Variants in CD163L1 observed in about 807,000 individuals in gnomAD.
The protein encoded by CD163L1 is scavenger receptor cysteine-rich type 1 protein M160.
In CD163L1, 124 loss-of-function variants were observed where a neutral mutation model predicts 165.4. The observed-to-expected ratio is 0.75, with a 90% CI of 0.65 to 0.87. The LOEUF is 0.87. Among genes scored for constraint, CD163L1 ranks in the 40% least tolerant of loss-of-function variants. The probability of loss-of-function intolerance (pLI) is 0.00; values close to 1 mark genes in which losing one functional copy is unlikely to be tolerated. For missense variants in CD163L1, 1,525 were observed against 1,799.9 expected, an observed-to-expected ratio of 0.85 and a Z score of 2.76; for synonymous variants, 585 against 662.2, an observed-to-expected ratio of 0.88 and a Z score of 1.79.
In CD163L1 at chr12:7,369,073, TCTC is replaced by T; in HGVS notation, c.4040-111_4040-109del. On this transcript the variant is annotated intron_variant, in intron 15 of 19. Transcript: ENST00000313599. The surrounding 1 kb of genome is among the most constrained non-coding windows in gnomAD (Gnocchi z 4.9). Reference sequence around the variant, plus strand: ...ATGTCATTTAAATATCCTTTTAACATCTCCTGTGAATACTGGATGTCATTTAAA... The same window carrying T: ...ATGTCATTTAAATATCCTTTTAACATCTGTGAATACTGGATGTCATTTAAA... 1 of 1,245,694 alleles carries T rather than the reference TCTC, an allele frequency of 8.0e-7. No individual in the cohort carries two copies. Among genetic ancestry groups the T allele is most frequent in the Non-Finnish European group, 1.1e-6 (1 of 875,598 alleles). 77.2% of individuals were successfully genotyped at this position (1,245,694 alleles called of 1,614,324 possible). A position where few individuals can be genotyped will look rare whatever the true frequency, so the allele number is the denominator to read the frequency against.
the CD163L1 span, among the ~76,000 whole-genome samples, chr12:7,320,043 C>T: frequency 6.6e-6 from 1 of 152,126 alleles, no homozygotes; most frequent in African/African-American, 2.4e-5. Flanking sequence ...CCAGGCAGCC[C>T]AGACATACAT....
rs138979050 is a variant in CD163L1, at chr12:7,375,768, A to G, written c.2618T>C (p.Leu873Ser). The G allele has an allele frequency of 5.0e-6, 8 of 1,614,102 alleles. No individual in the cohort carries two copies. In the African/African-American group the frequency reaches 8.0e-5, roughly 16 times the overall value. The change falls in exon 10 of 20, where the codon TTA becomes TCA. Residue 873 changes from leucine to serine, a missense_variant. Physicochemically the swap from Leu to Ser is moderately radical, Grantham distance 145 (BLOSUM62 -2). Transcript: ENST00000313599. ...TTCCGGATGTTGAACAATGGGGCAT[A>G]ATGCAAGGTGAGTTTCACTCCCTTC... Reference protein sequence around the residue: ...QCEGSETHLALCPIVQHPEDT... With the variant: ...QCEGSETHLASCPIVQHPEDT...
At position 7,398,539 on chromosome 12, in the gene CD163L1, C is replaced by T. The variant is rs143303315; in HGVS notation, c.1454G>A (p.Cys485Tyr). Residue 485 changes from cysteine to tyrosine, a missense_variant, in exon 7 of 20, where the codon TGT (cysteine) becomes TAT (tyrosine). Transcript: ENST00000313599. The surrounding 1 kb of genome is among the most constrained non-coding windows in gnomAD (Gnocchi z 4.5). ...DLRLVGAHSP[C>Y]YGRLEVKYQG... ...GTATTTCACCTCCAATCTCCCATAA[C>T]AGGGGCTATGAGCCCCGACAAGCCT... The T allele has an allele frequency of 3.1e-6, 5 of 1,609,698 alleles. No homozygotes were observed. The highest frequency in any genetic ancestry group is 4.2e-6 in the Non-Finnish European group (5 of 1,177,760).
intron 5 of CD163L1, among the ~76,000 whole-genome samples, chr12:7,405,793 C>T (rs1349985326): frequency 6.6e-6 from 1 of 152,100 alleles, no homozygotes; most frequent in African/African-American, 2.4e-5. Flanking sequence ...AGAGGAAAAT[C>T]GTTGGCTCTA....
intron 18 of CD163L1, among the ~76,000 whole-genome samples, chr12:7,363,121 A>G (rs1350004235): frequency 6.6e-6 from 1 of 152,104 alleles, no homozygotes; most frequent in Non-Finnish European, 1.5e-5. Context: ...CCCGACCAAC[A>G]TAGTGAAACC....
rs376016141 is a variant in CD163L1, at chr12:7,432,291, G to C, written c.766+125C>G. The C allele has an allele frequency of 4.2e-6, 3 of 706,768 alleles. No individual in the cohort carries two copies. The highest frequency in any genetic ancestry group is 2.3e-6 in the Non-Finnish European group (1 of 432,812). The allele number at this position is 706,768 out of a possible 1,614,324, so 43.8% of individuals were successfully genotyped here. On this transcript the variant is annotated intron_variant, in intron 4 of 19. Coordinates refer to ENST00000313599, the MANE Select transcript of CD163L1 (RefSeq NM_174941.6). The surrounding 1 kb of genome is among the most constrained non-coding windows in gnomAD (Gnocchi z 4.2). ...AAACTCCAGAATGGAGCAATTTCAG[G>C]GTAACAAAAATGTGTTATAACCAGA...
chr12:7,430,387 TC>T (rs1278685356), intron 4 of CD163L1, among the ~76,000 whole-genome samples: 2 of 152,196 alleles, frequency 1.3e-5, no homozygotes, highest in Non-Finnish European at 1.5e-5. Context: ...CTTTGTATCT[TC>T]CTGAAATTCC....
chr12:7,382,761 C>T (rs953866753), intron 8 of CD163L1, among the ~76,000 whole-genome samples: 3 of 152,124 alleles, frequency 2.0e-5, no homozygotes, highest in Admixed American at 6.5e-5. Context: ...TTTGAGAGTC[C>T]AGCTCCCACA....
intron 8 of CD163L1, among the ~76,000 whole-genome samples, chr12:7,388,916 T>C (rs1195044999): frequency 6.6e-6 from 1 of 152,158 alleles, no homozygotes; most frequent in Non-Finnish European, 1.5e-5. Flanking sequence ...AATACCTCCA[T>C]GTTGTTGCAA....
rs1946675363 is a variant in CD163L1, at chr12:7,347,053, G to C, written c.*119C>G. 1 of 152,230 alleles carries C rather than the reference G, an allele frequency of 6.6e-6. No homozygotes were observed. The highest frequency in any genetic ancestry group is 2.4e-5 in the African/African-American group (1 of 41,452). The allele number at this position is 152,230 out of a possible 1,614,324, so 9.4% of individuals were successfully genotyped here. On this transcript the variant is annotated 3_prime_UTR_variant, in exon 5 of 5. Coordinates refer to the CD163L1 transcript ENST00000539726. This position sits in a 1 kb window ranked among gnomAD's most constrained non-coding sequence, Gnocchi z 4.2. ...CTGCAGCAGAAAAACTGATCACACT[G>C]TAGGATTTCCCTAGTTCCTTTGACC... is the stretch of plus-strand genomic sequence containing the variant.
At chr12:7,401,671 G>T (rs1361774099) in intron 6 of CD163L1, among the ~76,000 whole-genome samples, 1 of 151,968 alleles carries the variant, frequency 6.6e-6, no homozygotes, top group Non-Finnish European at 1.5e-5. Flanking sequence ...AGATAGATTA[G>T]TAATGGCCAT....
rs1484221655 is a variant in CD163L1, at chr12:7,379,088, A to G, written c.2261T>C (p.Met754Thr). The G allele has an allele frequency of 6.2e-7, 1 of 1,614,218 alleles. No homozygotes were observed. Among genetic ancestry groups the G allele is most frequent in the Admixed American group, 1.7e-5 (1 of 60,026 alleles). ...HFTERTLHIL[M>T]SNSGCTGGEA... ...CCCTCCAGTGCAGCCAGAATTCGAC[A>G]TTAAGATGTGTAATGTTCTTTCTGT... The change falls in exon 9 of 20, where the codon ATG becomes ACG. Residue 754 changes from methionine to threonine, a missense_variant. Transcript: ENST00000313599.
At chr12:7,397,434 G>A (rs937463910) in intron 7 of CD163L1, among the ~76,000 whole-genome samples, 3 of 152,142 alleles carry the variant, frequency 2.0e-5, no homozygotes, top group African/African-American at 7.2e-5. Context: ...AACCTCACAA[G>A]ATGTCTGCTG....
chr12:7,368,048 G>A lies in CD163L1; in HGVS notation c.4183+39C>T. The A allele has an allele frequency of 8.5e-7, 1 of 1,182,612 alleles. No individual in the cohort carries two copies. Among genetic ancestry groups the A allele is most frequent in the South Asian group, 1.2e-5 (1 of 81,106 alleles). 73.3% of individuals were successfully genotyped at this position (1,182,612 alleles called of 1,614,324 possible). Reference sequence around the variant, plus strand: ...CCCATCCTGTGTGCCCTTGGTGGCAGGTAACTCACATTTTATACAATCCTA... The same window carrying A: ...CCCATCCTGTGTGCCCTTGGTGGCAAGTAACTCACATTTTATACAATCCTA... On this transcript the variant is annotated intron_variant, in intron 17 of 19. Coordinates refer to ENST00000313599, the MANE Select transcript of CD163L1 (RefSeq NM_174941.6). This position sits in a 1 kb window ranked among gnomAD's most constrained non-coding sequence, Gnocchi z 4.3.
chr12:7,361,588 TA>T (rs946801269), intron 18 of CD163L1, among the ~76,000 whole-genome samples: 4 of 152,080 alleles, frequency 2.6e-5, no homozygotes, highest in African/African-American at 4.8e-5. Flanking sequence ...GACAGCAAAC[TA>T]AAAAATAGGA....
At chr12:7,344,792 C>A (rs1946658366), downstream of CD163L1, among the ~76,000 whole-genome samples, 3 of 152,232 alleles carry the variant, frequency 2.0e-5, no homozygotes, top group Admixed American at 1.3e-4. Context: ...ATGCTTAAAA[C>A]CACATGGAAG....
chr12:7,402,507 G>A (rs1255223810), intron 6 of CD163L1, among the ~76,000 whole-genome samples: 2 of 152,026 alleles, frequency 1.3e-5, no homozygotes, highest in Non-Finnish European at 2.9e-5. Flanking sequence ...CGTTGGAAAT[G>A]GTTATGTAGG....
chr12:7,402,229 T>C (rs748991943), intron 6 of CD163L1, among the ~76,000 whole-genome samples: 1 of 152,194 alleles, frequency 6.6e-6, no homozygotes, highest in South Asian at 2.1e-4. Context: ...TAGAATAACA[T>C]AAAGTTTTTT....
At chr12:7,365,150 C>T (rs1946986164) in intron 18 of CD163L1, among the ~76,000 whole-genome samples, 1 of 152,020 alleles carries the variant, frequency 6.6e-6, no homozygotes, top group African/African-American at 2.4e-5. Flanking sequence ...GCAAATACAC[C>T]AAGGACATAC....
Sources: allele counts gnomAD v4.1 joint callset (sites outside exome capture counted in the v4.1 genomes callset), GRCh38; gene constraint gnomAD v4.1.1; non-coding constraint Gnocchi (gnomAD v3.1); transcripts MANE v1.5; gene names NCBI Gene and HGNC (gene_info 2026-07-23, HGNC 2026-07-21).